Variants in CFAP97D1 observed in about 807,000 individuals in gnomAD.
CFAP97D1 encodes CFAP97 domain containing 1.
Under a neutral mutation model 20.5 loss-of-function variants are expected in CFAP97D1, and 15 were observed. The ratio of observed to expected loss-of-function variants is 0.73; its 90% CI spans 0.49 to 1.13. The LOEUF (loss-of-function observed/expected upper bound fraction) is 1.13. CFAP97D1 is among the 50% of genes most tolerant of loss of function. CFAP97D1 has a pLI of 0.00. For synonymous variants in CFAP97D1, 58 were observed against 71.2 expected, an observed-to-expected ratio of 0.82 and a Z score of 0.93; for missense variants, 168 against 202.9, an observed-to-expected ratio of 0.83 and a Z score of 1.04.
chr17:43,785,014 AG>A lies in CFAP97D1; in HGVS notation c.*633del, dbSNP rs1323581159. On this transcript the variant is annotated 3_prime_UTR_variant, in exon 6 of 6. Coordinates refer to ENST00000449302, the MANE Select transcript of CFAP97D1 (RefSeq NM_001136483.3). ...GACAGACTCAATAGGAGAGAGAGAG[AG>A]AGAGAGAGAGTGAGAGAGATAGATA... 6.6e-5 allele frequency: 10 copies of A among 151,402 alleles called. No individual in the cohort carries two copies. The highest frequency in any genetic ancestry group is 2.4e-4 in the African/African-American group (10 of 40,976). The allele number at this position is 151,402 out of a possible 1,614,324, so 9.4% of individuals were successfully genotyped here.
Position 43,780,590 on chromosome 17 carries a change from T to G in CFAP97D1, c.124+4T>G. 1 of 1,551,678 alleles carries G rather than the reference T, an allele frequency of 6.4e-7. No individual in the cohort carries two copies. Among genetic ancestry groups the G allele is most frequent in the Middle Eastern group, 1.7e-4 (1 of 5,992 alleles). On this transcript the variant is annotated splice_donor_region_variant and intron_variant, in intron 1 of 5. Transcript: ENST00000449302. ...CACAAGAATAGAATACAAATAGGTA[T>G]GTGGGCAGTTTGGGCTGGACACTGC...
At position 43,785,626 on chromosome 17, in the gene CFAP97D1, T is replaced by C. The variant is rs947979434; in HGVS notation, c.*1244T>C. On this transcript the variant is annotated 3_prime_UTR_variant, in exon 6 of 6. Transcript: ENST00000449302. ...TTTTAGTAGAGACGAGGTTTCACCA[T>C]CTTGGCCAGGCTGGTCTTGAACTCC... is the stretch of plus-strand genomic sequence containing the variant. 2 of 152,218 alleles carry C rather than the reference T, an allele frequency of 1.3e-5. No individual in the cohort carries two copies. Among genetic ancestry groups the C allele is most frequent in the African/African-American group, 4.8e-5 (2 of 41,436 alleles). The allele number at this position is 152,218 out of a possible 1,614,324, so 9.4% of individuals were successfully genotyped here.
intron 4 of CFAP97D1, 58 bp downstream of exon 4, chr17:43,783,361 C>T (rs756935932): frequency 6.5e-7 from 1 of 1,535,980 alleles, no homozygotes; most frequent in South Asian, 1.2e-5. Context: ...GGTGTTCAGC[C>T]TAGAGAGAGT....
rs1051355224 is a variant in CFAP97D1 at position 43,783,834 on chromosome 17, A to G, written c.439-3A>G. The G allele has an allele frequency of 6.5e-7, 1 of 1,549,486 alleles. No homozygotes were observed. Among genetic ancestry groups the G allele is most frequent in the East Asian group, 2.4e-5 (1 of 40,910 alleles). ...TGACATAAACCAATTTTTTTCCTTCAAGAATTCAAGGCGCTATATCAGAAA... is the reference window on the plus strand; with the variant it reads ...TGACATAAACCAATTTTTTTCCTTCGAGAATTCAAGGCGCTATATCAGAAA... On this transcript the variant is annotated splice_region_variant and splice_polypyrimidine_tract_variant and intron_variant, in intron 4 of 5. Coordinates refer to ENST00000449302, the MANE Select transcript of CFAP97D1 (RefSeq NM_001136483.3).
At chr17:43,783,346 T>C in intron 4 of CFAP97D1, 43 bp downstream of exon 4, 1 of 1,549,430 alleles carries the variant, frequency 6.5e-7, no homozygotes, top group Non-Finnish European at 8.7e-7. Context: ...CACACAGAGT[T>C]TGTCGGTGTT....
At chr17:43,780,975 A>T in intron 1 of CFAP97D1, 144 bp from the exon 2 acceptor site, 1 of 642,798 alleles carries the variant, frequency 1.6e-6, no homozygotes, top group South Asian at 2.0e-5. Context: ...TCATTTGATA[A>T]ATCAAACCAA....
chr17:43,784,618 T>C lies in CFAP97D1; in HGVS notation c.*236T>C. The C allele has an allele frequency of 6.6e-6, 1 of 152,066 alleles. No homozygotes were observed. Among genetic ancestry groups the C allele is most frequent in the East Asian group, 1.9e-4 (1 of 5,194 alleles). The allele number at this position is 152,066 out of a possible 1,614,324, so 9.4% of individuals were successfully genotyped here. ...TTTTATTTGGGGCTATGAAAAGAAG[T>C]TTTAACGAGAGAGAGAGAGAGAAAT... On this transcript the variant is annotated 3_prime_UTR_variant, in exon 6 of 6. Transcript: ENST00000449302.
In CFAP97D1 at chr17:43,781,837, A is replaced by G; in HGVS notation, c.259A>G (p.Asn87Asp). Residue 87 changes from asparagine (N) to aspartate (D), a missense_variant, in exon 3 of 6, where the codon AAT becomes GAT. Asn to Asp is a conservative substitution (Grantham distance 23, BLOSUM62 1). Transcript: ENST00000449302. Reference protein sequence around the residue: ...ENKQLCQKIANAHRGPAKVDC... With the variant: ...ENKQLCQKIADAHRGPAKVDC... ...CAAGCAACTGTGTCAGAAAATCGCA[A>G]ATGCCCATCGCGGCCCTGCCAAGGT... 1.3e-6 allele frequency: 2 copies of G among 1,551,676 alleles called. No individual in the cohort carries two copies. Among genetic ancestry groups the G allele is most frequent in the Non-Finnish European group, 8.7e-7 (1 of 1,146,964 alleles).
chr17:43,781,792 A>T lies in CFAP97D1; in HGVS notation c.214A>T (p.Asn72Tyr), dbSNP rs1283019420. ...TTACCAGGGTGAACAAAAGAAAATC[A>T]ACAAAATCGAGTATGAAAACAAGCA... ...SKLQGEQKKI[N>Y]KIEYENKQLC... The change falls in exon 3 of 6, where the codon AAC becomes TAC. Residue 72 changes from asparagine (N) to tyrosine (Y), a missense_variant. Transcript: ENST00000449302. 1.3e-6 allele frequency: 2 copies of T among 1,551,520 alleles called. No homozygotes were observed. Among genetic ancestry groups the T allele is most frequent in the East Asian group, 4.9e-5 (2 of 40,932 alleles).
Position 43,785,987 on chromosome 17 carries a change from CAAG to C in CFAP97D1, c.*1612_*1614del, listed in dbSNP as rs936383076. 2 of 152,078 alleles carry C rather than the reference CAAG, an allele frequency of 1.3e-5. No individual in the cohort carries two copies. The highest frequency in any genetic ancestry group is 4.8e-5 in the African/African-American group (2 of 41,370). 9.4% of individuals were successfully genotyped at this position (152,078 alleles called of 1,614,324 possible). A position where few individuals can be genotyped will look rare whatever the true frequency, so the allele number is the denominator to read the frequency against. ...GGTCCAAGCCCAAAAACCTCAGAAC[CAAG>C]AAGAAGGTGGTGTAACTCTCAGTTC... On this transcript the variant is annotated 3_prime_UTR_variant, in exon 6 of 6. Transcript: ENST00000449302.
chr17:43,783,049 G>A, intron 3 of CFAP97D1, 131 bp from the exon 4 acceptor site: 2 of 1,149,178 alleles, frequency 1.7e-6, no homozygotes, highest in East Asian at 2.6e-5. Flanking sequence ...CCAGGGGCCT[G>A]TGGGCTCAGC....
chr17:43,783,852 A>G lies in CFAP97D1; in HGVS notation c.454A>G (p.Ile152Val). 6.4e-7 allele frequency: 1 copy of G among 1,550,446 alleles called. No homozygotes were observed. Among genetic ancestry groups the G allele is most frequent in the African/African-American group, 1.4e-5 (1 of 73,116 alleles). The change falls in exon 5 of 6, where the codon ATC (isoleucine) becomes GTC (valine). Residue 152 changes from isoleucine (I) to valine (V), a missense_variant. Coordinates refer to ENST00000449302, the MANE Select transcript of CFAP97D1 (RefSeq NM_001136483.3). Reference protein sequence around the residue: ...EIDWQNSRRYIRNTTRYLLSQ... With the variant: ...EIDWQNSRRYVRNTTRYLLSQ... ...TTCCTTCAAGAATTCAAGGCGCTAT[A>G]TCAGAAATACCACGAGATATCTTCT...
At position 43,780,480 on chromosome 17, in the gene CFAP97D1, T is replaced by C. The variant is rs1204637317; in HGVS notation, c.18T>C (p.Asp6=). The change falls in exon 1 of 6, where the codon GAT becomes GAC. Residue 6 remains aspartate (D), a synonymous_variant. Coordinates refer to ENST00000449302, the MANE Select transcript of CFAP97D1 (RefSeq NM_001136483.3). The part of the protein sequence containing the change: MNNSL[D]YLAYPVIVSN... ...AAGAGAAGATGAACAATTCCCTGGA[T>C]TATCTGGCCTACCCTGTTATCGTCT... 3.2e-6 allele frequency: 5 copies of C among 1,551,586 alleles called. No individual in the cohort carries two copies. In the Admixed American group the frequency reaches 5.9e-5, roughly 18 times the overall value.
At chr17:43,781,345 T>A (rs1017408366) in intron 2 of CFAP97D1, among the ~76,000 whole-genome samples, 156 bp downstream of exon 2, 2 of 147,678 alleles carry the variant, frequency 1.4e-5, no homozygotes, top group African/African-American at 5.1e-5. Context: ...CAGTCGTTTT[T>A]TTCCCCCCTG....
rs1188787899 is a variant in CFAP97D1 at position 43,783,823 on chromosome 17, T to A, written c.439-14T>A. The A allele has an allele frequency of 2.6e-6, 4 of 1,547,512 alleles. No individual in the cohort carries two copies. Among genetic ancestry groups the A allele is most frequent in the Non-Finnish European group, 2.6e-6 (3 of 1,144,960 alleles). On this transcript the variant is annotated splice_polypyrimidine_tract_variant and intron_variant, in intron 4 of 5. Transcript: ENST00000449302. ...TGCCCTGGCATTGACATAAACCAATTTTTTTCCTTCAAGAATTCAAGGCGC... is the reference window on the plus strand; with the variant it reads ...TGCCCTGGCATTGACATAAACCAATATTTTTCCTTCAAGAATTCAAGGCGC...
In CFAP97D1 at chr17:43,781,175, T is replaced by G; in HGVS notation, c.181T>G (p.Leu61Val). ...PVAHTNHILK[L>V]SKLQGEQKKI... ...GGCGCACACAAATCACATTTTAAAA[T>G]TGAGCAAACTACAGGTATTTGTTCT... is the stretch of plus-strand genomic sequence containing the variant. Residue 61 changes from leucine (L) to valine (V), a missense_variant, in exon 2 of 6, where the codon TTG becomes GTG. Coordinates refer to ENST00000449302, the MANE Select transcript of CFAP97D1 (RefSeq NM_001136483.3). 2 of 1,551,338 alleles carry G rather than the reference T, an allele frequency of 1.3e-6. No individual in the cohort carries two copies. The highest frequency in any genetic ancestry group is 1.7e-6 in the Non-Finnish European group (2 of 1,146,716).
intron 2 of CFAP97D1, among the ~76,000 whole-genome samples, 193 bp downstream of exon 2, chr17:43,781,382 G>T (rs927891022): frequency 2.0e-5 from 3 of 151,270 alleles, no homozygotes; most frequent in Admixed American, 1.3e-4. Flanking sequence ...TGTTGCCTAG[G>T]CTGGAGTGCA....
intron 1 of CFAP97D1, among the ~76,000 whole-genome samples, chr17:43,780,859 A>G (rs1255708589): frequency 2.0e-5 from 3 of 152,254 alleles, no homozygotes; most frequent in Non-Finnish European, 4.4e-5. Flanking sequence ...ATAATATTGG[A>G]AAAAGATTGG....
intron 3 of CFAP97D1, 94 bp from the exon 4 acceptor site, chr17:43,783,082 TAGAC>T: frequency 6.8e-7 from 1 of 1,470,718 alleles, no homozygotes; most frequent in Non-Finnish European, 9.2e-7. Flanking sequence ...TCCCTGCACT[TAGAC>T]AGTCTGGCAT....
Sources: allele counts gnomAD v4.1 joint callset (sites outside exome capture counted in the v4.1 genomes callset), GRCh38; gene constraint gnomAD v4.1.1; transcripts MANE v1.5; gene names NCBI Gene and HGNC (gene_info 2026-07-23, HGNC 2026-07-21).